Variants in LRP1B observed in about 807,000 individuals in gnomAD.
The protein encoded by LRP1B is LDL receptor related protein 1B.
Under a neutral mutation model 556.6 loss-of-function variants are expected in LRP1B, and 217 were observed. That is an observed-to-expected ratio of 0.39 (90% confidence interval 0.35 to 0.44). The LOEUF (loss-of-function observed/expected upper bound fraction) is 0.44. Among genes scored for constraint, LRP1B ranks in the 20% least tolerant of loss-of-function variants. The probability of loss-of-function intolerance (pLI) is 1.00; values close to 1 mark genes in which losing one functional copy is unlikely to be tolerated. For missense variants in LRP1B, 5,053 were observed against 5,620.8 expected (o/e 0.90, Z 3.23); for synonymous variants, 2,047 against 1,865.8 (o/e 1.10, Z -2.50).
chr2:140,868,280 A>AG lies in LRP1B; in HGVS notation c.4170-18_4170-17insC. 6.4e-7 allele frequency: 1 copy of AG among 1,552,650 alleles called. No homozygotes were observed. Among genetic ancestry groups the AG allele is most frequent in the Non-Finnish European group, 8.6e-7 (1 of 1,156,544 alleles). On this transcript the variant is annotated splice_polypyrimidine_tract_variant and intron_variant, in intron 25 of 90. Transcript: ENST00000389484. The stretch of plus-strand genomic sequence containing the variant: ...AAAAGAATTCTAAAAAAAAAAAAAA[A>AG]AAAAGAAATAATACTATTGTTTCAG...
intron 7 of LRP1B, among the ~76,000 whole-genome samples, chr2:141,127,369 C>T (rs894279348): frequency 6.6e-5 from 10 of 152,152 alleles, no homozygotes; most frequent in African/African-American, 1.9e-4. Flanking sequence ...TACCATTTGA[C>T]CCAGCAATCT....
chr2:141,274,205 C>G (rs757854377), intron 3 of LRP1B, among the ~76,000 whole-genome samples: 1 of 152,102 alleles, frequency 6.6e-6, no homozygotes, highest in Non-Finnish European at 1.5e-5. Flanking sequence ...CAATTCTACT[C>G]TTAGATATAT....
intron 1 of LRP1B, among the ~76,000 whole-genome samples, chr2:141,879,115 C>T (rs1160049124): frequency 6.6e-6 from 1 of 151,742 alleles, no homozygotes; most frequent in Non-Finnish European, 1.5e-5. Flanking sequence ...TATTTATTTA[C>T]ATGCATAAAA....
intron 35 of LRP1B, among the ~76,000 whole-genome samples, chr2:140,764,755 T>C (rs12995086): frequency 0.3 from 45,423 of 151,972 alleles, 7,057 homozygotes; most frequent in South Asian, 0.43. Flanking sequence ...AGCGATACAT[T>C]TGTCACAGGT....
chr2:140,270,373 A>T (rs1232802671), intron 85 of LRP1B, 27 bp from the exon 86 acceptor site: 2 of 1,403,658 alleles, frequency 1.4e-6, no homozygotes, highest in African/African-American at 1.4e-5. Context: ...AAAAAGAACA[A>T]TTTCATTGTT....
intron 7 of LRP1B, among the ~76,000 whole-genome samples, chr2:141,096,636 GAGAGAGAGA>G (rs1558858217): frequency 1.3e-3 from 75 of 58,738 alleles, no homozygotes; most frequent in African/African-American, 4.3e-3. Flanking sequence ...GGGGGAGAGA[GAGAGAGAGA>G]GAGAGAGAGA....
At chr2:141,739,677 G>T (rs1409786579) in intron 2 of LRP1B, among the ~76,000 whole-genome samples, 1 of 114,034 alleles carries the variant, frequency 8.8e-6, no homozygotes, top group Non-Finnish European at 1.8e-5. Context: ...TTATCTACTG[G>T]TTGTTTTTTT....
intron 3 of LRP1B, among the ~76,000 whole-genome samples, chr2:141,285,988 AC>A (rs1162463355): frequency 7.4e-6 from 1 of 135,186 alleles, no homozygotes; most frequent in Non-Finnish European, 1.6e-5. Flanking sequence ...AATGGCGTGA[AC>A]CCGGGAGGCG....
intron 1 of LRP1B, among the ~76,000 whole-genome samples, chr2:142,066,859 A>G (rs1314215252): frequency 2.6e-5 from 4 of 151,558 alleles, no homozygotes; most frequent in African/African-American, 9.7e-5. Context: ...ACAAAGTACC[A>G]CAAATCAGTG....
intron 1 of LRP1B, among the ~76,000 whole-genome samples, chr2:141,938,368 A>G (rs541283712): frequency 1.8e-4 from 27 of 152,312 alleles, no homozygotes; most frequent in African/African-American, 6.3e-4. Context: ...AATATCACTA[A>G]CCATCAGAGA....
chr2:141,175,839 G>T (rs1680709742), intron 7 of LRP1B, among the ~76,000 whole-genome samples: 1 of 152,100 alleles, frequency 6.6e-6, no homozygotes, highest in Non-Finnish European at 1.5e-5. Context: ...AGCAACTGTG[G>T]GGCTGTACCA....
chr2:141,304,074 A>G (rs77800557), intron 3 of LRP1B, among the ~76,000 whole-genome samples: 18,335 of 152,026 alleles, frequency 0.12, 1,457 homozygotes, highest in African/African-American at 0.21. Context: ...TTTGAGAAAT[A>G]TTTACTCATT....
chr2:140,942,820 C>T (rs866064603), intron 20 of LRP1B, among the ~76,000 whole-genome samples: 1 of 152,162 alleles, frequency 6.6e-6, no homozygotes, highest in South Asian at 2.1e-4. Flanking sequence ...ATAATACTTG[C>T]CACTACAAAA....
chr2:140,963,006 T>C (rs115785130), intron 18 of LRP1B, among the ~76,000 whole-genome samples: 1,541 of 152,216 alleles, frequency 0.01, 31 homozygotes, highest in African/African-American at 0.036. Flanking sequence ...GTTTAGACCT[T>C]ACATATGCTG....
At chr2:140,738,060 T>C (rs1170327892) in intron 35 of LRP1B, among the ~76,000 whole-genome samples, 1 of 152,088 alleles carries the variant, frequency 6.6e-6, no homozygotes, top group Non-Finnish European at 1.5e-5. Context: ...CAGAGATCAG[T>C]AGAGTTGGAG....
intron 1 of LRP1B, among the ~76,000 whole-genome samples, chr2:142,086,218 G>C (rs1480772220): frequency 6.6e-6 from 1 of 152,082 alleles, no homozygotes; most frequent in African/African-American, 2.4e-5. Context: ...CTCAAAAAGA[G>C]GCAAGTTAGT....
chr2:140,516,286 G>A (rs542481349), intron 50 of LRP1B, among the ~76,000 whole-genome samples: 2 of 151,776 alleles, frequency 1.3e-5, no homozygotes, highest in South Asian at 2.1e-4. Flanking sequence ...AACAATACAA[G>A]AATAAAATAT....
chr2:141,706,354 G>T (rs1385708192), intron 2 of LRP1B, among the ~76,000 whole-genome samples: 1 of 152,104 alleles, frequency 6.6e-6, no homozygotes, highest in Non-Finnish European at 1.5e-5. Context: ...AAGAGAGACT[G>T]TGTCTCATTC....
intron 3 of LRP1B, among the ~76,000 whole-genome samples, chr2:141,341,814 G>T (rs1399994022): frequency 6.6e-6 from 1 of 152,122 alleles, no homozygotes; most frequent in Non-Finnish European, 1.5e-5. Flanking sequence ...TTGGCCCTGA[G>T]TCATTATTTA....
Sources: allele counts gnomAD v4.1 joint callset (sites outside exome capture counted in the v4.1 genomes callset), GRCh38; gene constraint gnomAD v4.1.1; transcripts MANE v1.5; gene names NCBI Gene and HGNC (gene_info 2026-07-23, HGNC 2026-07-21).